The following CNTN5 variants were observed in gnomAD, a reference collection of about 807,000 sequenced individuals.
The protein encoded by CNTN5 is contactin-5.
Under a neutral mutation model 129.1 loss-of-function variants are expected in CNTN5, and 77 were observed. That is an observed-to-expected ratio of 0.60 (90% CI 0.50 to 0.72). The LOEUF (loss-of-function observed/expected upper bound fraction) is 0.72. Ranked by LOEUF, CNTN5 falls within the 30% of genes least tolerant of loss-of-function variation. The probability of loss-of-function intolerance (pLI) is 0.00; values close to 1 mark genes in which losing one functional copy is unlikely to be tolerated. For synonymous variants in CNTN5, 509 were observed against 465.6 expected, an observed-to-expected ratio of 1.09 and a Z score of -1.20; for missense variants, 1,478 against 1,328.8, an observed-to-expected ratio of 1.11 and a Z score of -1.75.
At chr11:99,631,779 A>G (rs1473117069) in intron 3 of CNTN5, among the ~76,000 whole-genome samples, 6 of 152,164 alleles carry the variant, frequency 3.9e-5, no homozygotes, top group Non-Finnish European at 8.8e-5. Flanking sequence ...AACAGCAAGT[A>G]ACTGGAATCT....
intron 13 of CNTN5, among the ~76,000 whole-genome samples, chr11:100,108,329 A>T (rs1945526488): frequency 6.6e-6 from 1 of 152,138 alleles, no homozygotes; most frequent in African/African-American, 2.4e-5. Context: ...ACCAACATGT[A>T]TGGGCTACAT....
At chr11:100,252,750 C>T (rs1949992187) in intron 16 of CNTN5, among the ~76,000 whole-genome samples, 2 of 152,242 alleles carry the variant, frequency 1.3e-5, no homozygotes, top group Non-Finnish European at 2.9e-5. Flanking sequence ...GCTAGAATAG[C>T]TGGATGCAAG....
intron 6 of CNTN5, among the ~76,000 whole-genome samples, chr11:99,855,774 G>T (rs1371032899): frequency 6.6e-6 from 1 of 152,114 alleles, no homozygotes; most frequent in African/African-American, 2.4e-5. Flanking sequence ...TTTAGAGTCT[G>T]CACTCTCACA....
intron 4 of CNTN5, among the ~76,000 whole-genome samples, chr11:99,832,463 G>A (rs1042035452): frequency 3.3e-5 from 5 of 152,148 alleles, no homozygotes; most frequent in African/African-American, 9.7e-5. Flanking sequence ...TGTGTACAAC[G>A]AAATGCTACA....
intron 18 of CNTN5, among the ~76,000 whole-genome samples, chr11:100,288,113 G>C (rs1207559009): frequency 7.2e-5 from 11 of 152,122 alleles, no homozygotes; most frequent in African/African-American, 1.2e-4. Context: ...TAAAGCAAGT[G>C]CTTAGTGACC....
chr11:99,856,501 C>A (rs551383909), intron 6 of CNTN5, among the ~76,000 whole-genome samples: 1 of 152,206 alleles, frequency 6.6e-6, no homozygotes, highest in Admixed American at 6.5e-5. Flanking sequence ...CTAAGTGTAG[C>A]CTCAGATGTG....
chr11:99,036,158 C>T (rs1042049397), intron 1 of CNTN5, among the ~76,000 whole-genome samples: 6 of 151,896 alleles, frequency 4.0e-5, no homozygotes, highest in East Asian at 3.9e-4. Context: ...CGTTGCGTAT[C>T]GAAATGCCAG....
intron 1 of CNTN5, 150 bp from the exon 2 acceptor site, chr11:99,325,196 G>T (rs556886794): frequency 6.6e-6 from 1 of 152,172 alleles, no homozygotes; most frequent in South Asian, 2.1e-4. Flanking sequence ...GAAGCTGTAT[G>T]TGTTTATATG....
Position 99,139,075 on chromosome 11 carries a change from C to T in CNTN5, c.-210+117805C>T, listed in dbSNP as rs1235466352. The stretch of plus-strand genomic sequence containing the variant: ...GGGCAACATCTTGGGTAGAGATGGG[C>T]GAAACTCCATCTCTACCCCCTCCCC... On this transcript the variant is annotated intron_variant, in intron 1 of 24. Coordinates refer to ENST00000524871, the MANE Select transcript of CNTN5 (RefSeq NM_014361.4). 5.6e-5 allele frequency among the ~76,000 whole-genome samples: 8 copies of T among 142,954 alleles called. 1 individual carries two copies. The South Asian group carries it at 6.8e-4, about 12-fold the overall frequency. 93.8% of individuals were successfully genotyped at this position (142,954 alleles called of 152,430 possible).
chr11:99,601,135 A>C (rs1950299783), intron 3 of CNTN5, among the ~76,000 whole-genome samples: 3 of 152,196 alleles, frequency 2.0e-5, no homozygotes, highest in Admixed American at 6.5e-5. Context: ...TTGTTAAATA[A>C]ATTTCTGATT....
At chr11:99,240,735 C>T (rs1221161694) in intron 1 of CNTN5, among the ~76,000 whole-genome samples, 2 of 152,114 alleles carry the variant, frequency 1.3e-5, no homozygotes, top group African/African-American at 4.8e-5. Flanking sequence ...GATATTGATC[C>T]TCAGTTCTGT....
chr11:99,256,047 A>G (rs955152100), intron 1 of CNTN5, among the ~76,000 whole-genome samples: 1 of 152,158 alleles, frequency 6.6e-6, no homozygotes, highest in Admixed American at 6.6e-5. Context: ...AATGACAGAT[A>G]GTATTTTCTT....
chr11:99,057,205 A>C (rs1309629854), intron 1 of CNTN5, among the ~76,000 whole-genome samples: 1 of 151,830 alleles, frequency 6.6e-6, no homozygotes, highest in Non-Finnish European at 1.5e-5. Flanking sequence ...TCAGTGAGCC[A>C]GATCTGTTTA....
chr11:99,148,753 T>A (rs1019849550), intron 1 of CNTN5, among the ~76,000 whole-genome samples: 2 of 152,156 alleles, frequency 1.3e-5, no homozygotes, highest in Non-Finnish European at 2.9e-5. Context: ...TATAATTATA[T>A]CTTTATTTGC....
chr11:99,586,763 A>G (rs981489696), intron 3 of CNTN5, among the ~76,000 whole-genome samples: 1 of 152,178 alleles, frequency 6.6e-6, no homozygotes, highest in South Asian at 2.1e-4. Context: ...ATGATTATCC[A>G]TATTTTGACT....
chr11:99,651,810 A>G (rs560176965), intron 3 of CNTN5, among the ~76,000 whole-genome samples: 2 of 152,146 alleles, frequency 1.3e-5, no homozygotes, highest in South Asian at 4.1e-4. Context: ...TCATCTCAAG[A>G]TATCCTTTTG....
At chr11:99,068,951 C>A (rs1329244199) in intron 1 of CNTN5, among the ~76,000 whole-genome samples, 2 of 152,028 alleles carry the variant, frequency 1.3e-5, no homozygotes, top group African/African-American at 4.8e-5. Flanking sequence ...GACTCTTTTT[C>A]TAGATTCTTA....
At chr11:100,046,176 T>C (rs538511659) in intron 9 of CNTN5, among the ~76,000 whole-genome samples, 34 of 150,574 alleles carry the variant, frequency 2.3e-4, no homozygotes, top group African/African-American at 8.2e-4. Context: ...TTAGGAGATA[T>C]ACCTAATGCT....
intron 3 of CNTN5, among the ~76,000 whole-genome samples, chr11:99,799,043 G>A (rs2135471556): frequency 6.6e-6 from 1 of 152,052 alleles, no homozygotes; most frequent in Middle Eastern, 3.4e-3. Context: ...ATGAGATTAT[G>A]TTCTTGTTAT....
Sources: allele counts gnomAD v4.1 joint callset (sites outside exome capture counted in the v4.1 genomes callset), GRCh38; gene constraint gnomAD v4.1.1; transcripts MANE v1.5; gene names NCBI Gene and HGNC (gene_info 2026-07-23, HGNC 2026-07-21).